ATRNL1: variants seen among roughly 807,000 people sequenced by gnomAD.
ATRNL1 encodes attractin-like protein 1.
ATRNL1 carries 95 observed loss-of-function variants against 182.7 expected under a neutral mutation model. The ratio of observed to expected loss-of-function variants is 0.52; its 90% CI spans 0.44 to 0.62. The LOEUF (loss-of-function observed/expected upper bound fraction) is 0.62, where lower values mean the gene tolerates loss of function less well. ATRNL1 is among the 20% of genes least tolerant of loss of function. The probability of loss-of-function intolerance (pLI) is 0.00; values close to 1 mark genes in which losing one functional copy is unlikely to be tolerated. For synonymous variants in ATRNL1, 576 were observed against 568.3 expected, an observed-to-expected ratio of 1.01 and a Z score of -0.19; for missense variants, 1,471 against 1,679.5, an observed-to-expected ratio of 0.88 and a Z score of 2.17.
In ATRNL1 at chr10:115,681,113, T is replaced by A. The variant is rs535275440; in HGVS notation, c.3796-46135T>A. ...CCAGACATGTGGAATGGGATTCTAC[T>A]ATTACTAGGGAATGGATTATGATGA... On this transcript the variant is annotated intron_variant, in intron 26 of 28. Transcript: ENST00000355044. Among the ~76,000 whole-genome samples, 7 of 152,278 alleles carry A rather than the reference T, an allele frequency of 4.6e-5. No homozygotes were observed. In the East Asian group the frequency reaches 1.4e-3, roughly 29 times the overall value.
chr10:115,873,115 T>C (rs1387421899), intron 28 of ATRNL1, among the ~76,000 whole-genome samples: 6 of 152,232 alleles, frequency 3.9e-5, no homozygotes, highest in African/African-American at 1.4e-4. Context: ...ATGCCAGATA[T>C]GGCTGGTTTC....
chr10:115,197,955 A>C (rs927686622), intron 8 of ATRNL1, among the ~76,000 whole-genome samples: 49 of 152,290 alleles, frequency 3.2e-4, no homozygotes, highest in African/African-American at 9.6e-4. Context: ...TATCTTGGCT[A>C]TTGAGACTAA....
intron 27 of ATRNL1, among the ~76,000 whole-genome samples, chr10:115,812,795 C>T (rs1236766810): frequency 1.3e-5 from 2 of 151,790 alleles, no homozygotes; most frequent in African/African-American, 2.4e-5. Flanking sequence ...TTTTCTCAAC[C>T]ACACTTAACA....
At chr10:115,284,817 CAA>C (rs1852530324) in intron 14 of ATRNL1, among the ~76,000 whole-genome samples, 2 of 151,934 alleles carry the variant, frequency 1.3e-5, no homozygotes, top group Admixed American at 1.3e-4. Flanking sequence ...AAATATAAAA[CAA>C]TAAAAATAAA....
At chr10:115,586,503 T>TA (rs1855511843) in intron 26 of ATRNL1, among the ~76,000 whole-genome samples, 1 of 95,018 alleles carries the variant, frequency 1.1e-5, no homozygotes, top group Non-Finnish European at 2.4e-5. Flanking sequence ...TTTCATTCAT[T>TA]TCGTCTTCCA....
At chr10:115,522,970 A>G (rs1320252527) in intron 25 of ATRNL1, among the ~76,000 whole-genome samples, 2 of 152,202 alleles carry the variant, frequency 1.3e-5, no homozygotes, top group Non-Finnish European at 2.9e-5. Context: ...CTACTAGGCA[A>G]TCCCTGGTGG....
intron 21 of ATRNL1, among the ~76,000 whole-genome samples, chr10:115,436,707 A>G (rs1408211821): frequency 6.6e-6 from 1 of 152,084 alleles, no homozygotes; most frequent in African/African-American, 2.4e-5. Context: ...TCATTAAATT[A>G]CTTTCTGGAG....
Position 115,121,757 on chromosome 10 carries a change from C to A in ATRNL1, c.436C>A (p.His146Asn). 6.3e-7 allele frequency: 1 copy of A among 1,577,032 alleles called. No individual in the cohort carries two copies. The highest frequency in any genetic ancestry group is 1.2e-5 in the South Asian group (1 of 84,940). The change falls in exon 3 of 29, where the codon CAT becomes AAT. Residue 146 changes from histidine to asparagine, a missense_variant. Coordinates refer to ENST00000355044, the MANE Select transcript of ATRNL1 (RefSeq NM_207303.4). ...TTTTGCTACAGAATGTAGCTGGGATCATATGTATGTTTATGATGGAGATTC... is the reference window on the plus strand; with the variant it reads ...TTTTGCTACAGAATGTAGCTGGGATAATATGTATGTTTATGATGGAGATTC... ...NHFATECSWD[H>N]MYVYDGDSIY... is the part of the protein sequence containing the mutation.
At chr10:115,935,759 A>T (rs973869548) in intron 28 of ATRNL1, among the ~76,000 whole-genome samples, 3 of 152,246 alleles carry the variant, frequency 2.0e-5, no homozygotes, top group African/African-American at 7.2e-5. Flanking sequence ...GAAAATGATA[A>T]AAGTCAATTA....
At chr10:115,462,395 T>C (rs371939870) in intron 22 of ATRNL1, among the ~76,000 whole-genome samples, 5 of 152,044 alleles carry the variant, frequency 3.3e-5, no homozygotes, top group Admixed American at 3.3e-4. Flanking sequence ...GGGCAGATCA[T>C]GATGCCCAGA....
chr10:115,708,015 T>C (rs1385007469), intron 26 of ATRNL1, among the ~76,000 whole-genome samples: 1 of 151,828 alleles, frequency 6.6e-6, no homozygotes, highest in East Asian at 1.9e-4. Flanking sequence ...TTCCTTGATG[T>C]GCTCCTGTTT....
intron 26 of ATRNL1, among the ~76,000 whole-genome samples, chr10:115,626,285 G>C (rs1555024621): frequency 2.6e-5 from 4 of 152,144 alleles, no homozygotes; most frequent in Non-Finnish European, 5.9e-5. Context: ...AGGTGGAAGA[G>C]GGAATTAGGA....
At chr10:115,864,838 C>T (rs1565445852) in intron 28 of ATRNL1, among the ~76,000 whole-genome samples, 1 of 152,016 alleles carries the variant, frequency 6.6e-6, no homozygotes, top group Non-Finnish European at 1.5e-5. Context: ...AAAAATTAGC[C>T]AGGCGTGGTG....
At chr10:115,518,839 C>T (rs1850768037) in intron 24 of ATRNL1, among the ~76,000 whole-genome samples, 1 of 151,004 alleles carries the variant, frequency 6.6e-6, no homozygotes, top group Admixed American at 6.6e-5. Flanking sequence ...AATGATGTGA[C>T]ATATTTTATT....
intron 26 of ATRNL1, among the ~76,000 whole-genome samples, chr10:115,573,322 A>G (rs1854517232): frequency 2.0e-5 from 3 of 151,786 alleles, no homozygotes; most frequent in African/African-American, 7.3e-5. Flanking sequence ...CAGTGTTCAG[A>G]TGTCCCTCTT....
chr10:115,504,052 T>A (rs1849985024), intron 24 of ATRNL1, among the ~76,000 whole-genome samples: 1 of 151,986 alleles, frequency 6.6e-6, no homozygotes, highest in African/African-American at 2.4e-5. Context: ...TATATTATTA[T>A]TGGAAAATGC....
At chr10:115,808,372 A>G (rs1175407356) in intron 27 of ATRNL1, among the ~76,000 whole-genome samples, 8 of 152,204 alleles carry the variant, frequency 5.3e-5, no homozygotes, top group Non-Finnish European at 1.2e-4. Context: ...TCTTTTTATT[A>G]TAAGTAAATA....
At chr10:115,227,658 A>C (rs1849753854) in intron 9 of ATRNL1, among the ~76,000 whole-genome samples, 1 of 152,170 alleles carries the variant, frequency 6.6e-6, no homozygotes, top group African/African-American at 2.4e-5. Flanking sequence ...AAAGACATGG[A>C]ATCAATCCAG....
rs2143321637 is a variant in ATRNL1 at position 115,093,662 on chromosome 10, G to A, written c.-89G>A. 6 of 1,368,552 alleles carry A rather than the reference G, an allele frequency of 4.4e-6. No individual in the cohort carries two copies. Among genetic ancestry groups the A allele is most frequent in the Non-Finnish European group, 5.9e-6 (6 of 1,011,250 alleles). The allele number at this position is 1,368,552 out of a possible 1,614,324, so 84.8% of individuals were successfully genotyped here. A position where few individuals can be genotyped will look rare whatever the true frequency, so the allele number is the denominator to read the frequency against. ...GTGAGGAGGAGGAGAAGCGGCGGCG[G>A]AGAGGTTTTCTGCGGCCGGAATTCC... is the stretch of plus-strand genomic sequence containing the variant. On this transcript the variant is annotated 5_prime_UTR_variant, in exon 1 of 29. Coordinates refer to ENST00000355044, the MANE Select transcript of ATRNL1 (RefSeq NM_207303.4). This position sits in a 1 kb window ranked among gnomAD's most constrained non-coding sequence, Gnocchi z 6.1.
Sources: allele counts gnomAD v4.1 joint callset (sites outside exome capture counted in the v4.1 genomes callset), GRCh38; gene constraint gnomAD v4.1.1; non-coding constraint Gnocchi (gnomAD v3.1); transcripts MANE v1.5; gene names NCBI Gene and HGNC (gene_info 2026-07-23, HGNC 2026-07-21).